The following FBXW8 variants were observed in gnomAD, a reference collection of about 807,000 sequenced individuals.
FBXW8 encodes the protein F-box/WD repeat-containing protein 8.
Under a neutral mutation model 65.3 loss-of-function variants are expected in FBXW8, and 57 were observed. The ratio of observed to expected loss-of-function variants is 0.87; its 90% CI spans 0.71 to 1.09. The LOEUF (loss-of-function observed/expected upper bound fraction) is 1.09, where lower values mean the gene tolerates loss of function less well. FBXW8 is among the 50% of genes least tolerant of loss of function. The pLI is 0.00. For missense variants in FBXW8, 777 were observed against 814.8 expected (o/e 0.95, Z 0.57); for synonymous variants, 308 against 330.2 (o/e 0.93, Z 0.73).
rs565170875 is a variant in FBXW8, at chr12:116,910,966, C to T, written c.-72C>T. 8.9e-4 allele frequency: 1,134 copies of T among 1,278,692 alleles called. 13 individuals carry two copies. The African/African-American group carries it at 0.016, about 18-fold the overall frequency. 79.2% of individuals were successfully genotyped at this position (1,278,692 alleles called of 1,614,324 possible). A position where few individuals can be genotyped will look rare whatever the true frequency, so the allele number is the denominator to read the frequency against. ...CAGCGGCTTCCGGCCGCGGCGGACA[C>T]TTCCCTGGGCGGGACTGTCTCGTGG... On this transcript the variant is annotated 5_prime_UTR_variant, in exon 1 of 11. Coordinates refer to ENST00000652555, the MANE Select transcript of FBXW8 (RefSeq NM_153348.3).
rs1356665024 is a variant in FBXW8 at position 117,024,313 on chromosome 12, T to TATTCCGGGTAAGGTGC, written c.1539_1541+13dup. On this transcript the variant is annotated stop_gained and frameshift_variant, in exon 9 of 11. Coordinates refer to ENST00000652555, the MANE Select transcript of FBXW8 (RefSeq NM_153348.3). LOFTEE classifies it high-confidence loss of function. ...GATGAACCAGAAGCTGTGGGAGGTG[T>TATTCCGGGTAAGGTGC]ATTCCGGGTAAGGTGCATTCTAGAC... The TATTCCGGGTAAGGTGC allele has an allele frequency of 6.2e-7, 1 of 1,614,070 alleles. No homozygotes were observed. The highest frequency in any genetic ancestry group is 2.2e-5 in the East Asian group (1 of 44,880).
At chr12:116,973,732 A>G (rs1452383912) in intron 5 of FBXW8, among the ~76,000 whole-genome samples, 1 of 152,206 alleles carries the variant, frequency 6.6e-6, no homozygotes, top group Non-Finnish European at 1.5e-5. Flanking sequence ...AGACCTGACA[A>G]TGGAGTGCAG....
chr12:116,946,670 A>C (rs1042735091), intron 3 of FBXW8, among the ~76,000 whole-genome samples: 2 of 152,102 alleles, frequency 1.3e-5, no homozygotes, highest in African/African-American at 4.8e-5. Context: ...CACCACCACT[A>C]AGACAGGTCA....
chr12:116,936,190 T>C lies in FBXW8; in HGVS notation c.423+8063T>C, dbSNP rs1463276992. ...TTTGAGCAAAGACCTGAAGGAGGGG[T>C]GAAGGACACTGTGCAGATCTCTGGC... On this transcript the variant is annotated intron_variant, in intron 2 of 10. Coordinates refer to ENST00000652555, the MANE Select transcript of FBXW8 (RefSeq NM_153348.3). This position sits in a 1 kb window ranked among gnomAD's most constrained non-coding sequence, Gnocchi z 4.6. Among the ~76,000 whole-genome samples, 1 of 151,762 alleles carries C rather than the reference T, an allele frequency of 6.6e-6. No homozygotes were observed. Among genetic ancestry groups the C allele is most frequent in the African/African-American group, 2.4e-5 (1 of 41,290 alleles).
intron 5 of FBXW8, among the ~76,000 whole-genome samples, chr12:116,968,790 A>G (rs899322735): frequency 6.6e-6 from 1 of 151,846 alleles, no homozygotes; most frequent in African/African-American, 2.4e-5. Flanking sequence ...TTTAATTTAC[A>G]TTTCTCTTAA....
intron 4 of FBXW8, among the ~76,000 whole-genome samples, chr12:116,951,804 T>C (rs1254433324): frequency 6.6e-6 from 1 of 152,198 alleles, no homozygotes; most frequent in African/African-American, 2.4e-5. Context: ...CCTTTTCACA[T>C]AAAACCAGTG....
At chr12:117,017,505 A>G (rs773708762) in intron 8 of FBXW8, among the ~76,000 whole-genome samples, 17 of 152,210 alleles carry the variant, frequency 1.1e-4, no homozygotes, top group Non-Finnish European at 2.1e-4. Context: ...TTTAAAATGA[A>G]TCTTTCACCA....
chr12:116,964,910 T>G, intron 5 of FBXW8, 56 bp downstream of exon 5: 1 of 1,521,152 alleles, frequency 6.6e-7, no homozygotes, highest in Non-Finnish European at 8.8e-7. Flanking sequence ...TTACAAAAAT[T>G]AAGCAGCTGT....
intron 8 of FBXW8, among the ~76,000 whole-genome samples, chr12:117,023,297 C>T (rs1014859091): frequency 5.3e-5 from 8 of 152,110 alleles, no homozygotes; most frequent in Admixed American, 5.2e-4. Context: ...TTGCTAGATG[C>T]TGGGGTCTTT....
At position 117,010,441 on chromosome 12, in the gene FBXW8, T is replaced by C. The variant is rs202244572; in HGVS notation, c.1358T>C (p.Met453Thr). The change falls in exon 8 of 11, where the codon ATG becomes ACG. Residue 453 changes from methionine to threonine, a missense_variant. Met to Thr is a moderately conservative substitution (Grantham distance 81, BLOSUM62 -1). Transcript: ENST00000652555. ...SPPNLMVSGN[M>T]DGRVRIHDLR... ...CCCAACCTCATGGTCAGTGGCAACA[T>C]GGACGGGAGGTACGTGAGTTGGAAG... 1.2e-6 allele frequency: 2 copies of C among 1,614,220 alleles called. No homozygotes were observed. The highest frequency in any genetic ancestry group is 8.5e-7 in the Non-Finnish European group (1 of 1,180,022).
rs565999531 is a variant in FBXW8, at chr12:116,971,404, T to A, written c.835+6550T>A. Among the ~76,000 whole-genome samples, 3 of 151,862 alleles carry A rather than the reference T, an allele frequency of 2.0e-5. No individual in the cohort carries two copies. In the South Asian group the frequency reaches 6.2e-4, roughly 32 times the overall value. ...TTCTGAACTGAGGGGGTTTTGGTGT[T>A]TAAGAAATCCTTTTTAGGGCGTTGA... On this transcript the variant is annotated intron_variant, in intron 5 of 10. Coordinates refer to ENST00000652555, the MANE Select transcript of FBXW8 (RefSeq NM_153348.3).
At position 117,014,505 on chromosome 12, in the gene FBXW8, T is replaced by C. The variant is rs1221658818; in HGVS notation, c.1367+4055T>C. Among the ~76,000 whole-genome samples the C allele has an allele frequency of 2.0e-5, 3 of 152,202 alleles. No individual in the cohort carries two copies. The East Asian group carries it at 5.8e-4, about 29-fold the overall frequency. On this transcript the variant is annotated intron_variant, in intron 8 of 10. Coordinates refer to ENST00000652555, the MANE Select transcript of FBXW8 (RefSeq NM_153348.3). ...TTTGGTTTGGGGTATGTCAAGTAAT[T>C]TTGAATTGTGTTCTGGACATTGTGG...
intron 4 of FBXW8, among the ~76,000 whole-genome samples, chr12:116,958,843 A>C (rs1054965113): frequency 2.0e-5 from 3 of 152,170 alleles, no homozygotes; most frequent in African/African-American, 7.2e-5. Context: ...TCATTACTGC[A>C]TTTGTTTTTC....
intron 4 of FBXW8, among the ~76,000 whole-genome samples, chr12:116,956,013 C>T (rs771714228): frequency 1.3e-5 from 2 of 152,246 alleles, no homozygotes; most frequent in Non-Finnish European, 2.9e-5. Flanking sequence ...AATAAACTCT[C>T]TCCTCATTGT....
In FBXW8 at chr12:116,955,040, G is replaced by C. The variant is rs559202351; in HGVS notation, c.677+5334G>C. Among the ~76,000 whole-genome samples the C allele has an allele frequency of 3.5e-4, 53 of 151,394 alleles. 1 individual carries two copies. Among genetic ancestry groups the C allele is most frequent in the Middle Eastern group, 3.4e-3 (1 of 294 alleles). ...GTTGACTTTCCCCTCTTGAAATGGGGGGGGGGGGCCCTGTATTAAGCATCT... is the reference window on the plus strand; with the variant it reads ...GTTGACTTTCCCCTCTTGAAATGGGCGGGGGGGGCCCTGTATTAAGCATCT... On this transcript the variant is annotated intron_variant, in intron 4 of 10. Transcript: ENST00000652555.
chr12:116,942,703 CTTG>C (rs1211257541), intron 2 of FBXW8, among the ~76,000 whole-genome samples: 3 of 150,330 alleles, frequency 2.0e-5, no homozygotes, highest in African/African-American at 4.9e-5. Flanking sequence ...CCAGCTCAAA[CTTG>C]TTGTTGAGCG....
chr12:117,013,110 A>G (rs117153529), intron 8 of FBXW8, among the ~76,000 whole-genome samples: 4,100 of 152,234 alleles, frequency 0.027, 181 homozygotes, highest in African/African-American at 0.087. Context: ...ACGCATGGTG[A>G]CGCATGCCTG....
intron 7 of FBXW8, among the ~76,000 whole-genome samples, chr12:117,000,088 TCTC>T (rs1479804294): frequency 2.6e-5 from 4 of 151,868 alleles, no homozygotes; most frequent in Admixed American, 2.6e-4. Context: ...TTCTCGCCAT[TCTC>T]CTGCCTCAGC....
chr12:116,975,457 A>G (rs1253657881), intron 5 of FBXW8, among the ~76,000 whole-genome samples: 1 of 152,136 alleles, frequency 6.6e-6, no homozygotes, highest in South Asian at 2.1e-4. Context: ...TCACATCCCA[A>G]AGGTCTCATT....
Sources: allele counts gnomAD v4.1 joint callset (sites outside exome capture counted in the v4.1 genomes callset), GRCh38; gene constraint gnomAD v4.1.1; non-coding constraint Gnocchi (gnomAD v3.1); transcripts MANE v1.5; gene names NCBI Gene and HGNC (gene_info 2026-07-23, HGNC 2026-07-21).